Variants in PLCZ1 observed in about 807,000 individuals in gnomAD.
PLCZ1 encodes phospholipase C zeta 1.
A neutral mutation model predicts 76.8 loss-of-function variants in PLCZ1; 64 were observed. The ratio of observed to expected loss-of-function variants is 0.83; its 90% CI spans 0.68 to 1.03. The LOEUF is 1.03. PLCZ1 is among the 50% of genes least tolerant of loss of function. PLCZ1 has a pLI of 0.00. For missense variants in PLCZ1, 751 were observed against 713.7 expected (o/e 1.05, Z -0.60); for synonymous variants, 248 against 230.8 (o/e 1.07, Z -0.68).
chr12:18,689,331 G>A (rs377554753), intron 12 of PLCZ1, among the ~76,000 whole-genome samples: 10 of 152,242 alleles, frequency 6.6e-5, no homozygotes, highest in African/African-American at 2.4e-4. Context: ...AAAACTGAAT[G>A]AGAATTTAGG....
chr12:18,708,826 T>C (rs1180326962), intron 6 of PLCZ1, among the ~76,000 whole-genome samples: 3 of 152,202 alleles, frequency 2.0e-5, no homozygotes, highest in Admixed American at 1.3e-4. Context: ...GAGAAATGCC[T>C]ATTCAGGTTT....
intron 3 of PLCZ1, among the ~76,000 whole-genome samples, chr12:18,724,414 T>G (rs1208644986): frequency 6.6e-6 from 1 of 152,092 alleles, no homozygotes; most frequent in Non-Finnish European, 1.5e-5. Context: ...ATAAAAAAAC[T>G]GGGAAATAGG....
intron 7 of PLCZ1, among the ~76,000 whole-genome samples, chr12:18,704,365 G>A (rs1168904641): frequency 6.6e-6 from 1 of 151,850 alleles, no homozygotes; most frequent in Non-Finnish European, 1.5e-5. Context: ...TGTTCTTTTT[G>A]CCCAGGCTGG....
intron 3 of PLCZ1, among the ~76,000 whole-genome samples, chr12:18,732,921 TA>T (rs1959134288): frequency 1.3e-5 from 2 of 152,202 alleles, no homozygotes; most frequent in African/African-American, 4.8e-5. Context: ...AATGCTGCAA[TA>T]TATACAGGAG....
intron 6 of PLCZ1, among the ~76,000 whole-genome samples, chr12:18,707,762 C>A (rs1256360056): frequency 1.3e-5 from 2 of 152,104 alleles, no homozygotes; most frequent in African/African-American, 2.4e-5. Context: ...AAACTTTAAT[C>A]TTATCTATGC....
chr12:18,721,930 T>TTATTGTGGCC (rs1958465510), intron 4 of PLCZ1, among the ~76,000 whole-genome samples: 1 of 152,016 alleles, frequency 6.6e-6, no homozygotes, highest in African/African-American at 2.4e-5. Flanking sequence ...GCCAAAATCT[T>TTATTGTGGCC]TATTGTGGCC....
chr12:18,720,725 G>A (rs1312247177), intron 4 of PLCZ1, among the ~76,000 whole-genome samples: 1 of 151,896 alleles, frequency 6.6e-6, no homozygotes. Context: ...TTATTTCCAG[G>A]AATTTATCCT....
chr12:18,705,969 G>A (rs1169969712), intron 6 of PLCZ1, among the ~76,000 whole-genome samples: 1 of 151,868 alleles, frequency 6.6e-6, no homozygotes, highest in African/African-American at 2.4e-5. Context: ...GCTCACACCT[G>A]TAATCCCAGC....
At chr12:18,687,400 C>T (rs1953321161) in intron 13 of PLCZ1, among the ~76,000 whole-genome samples, 1 of 152,156 alleles carries the variant, frequency 6.6e-6, no homozygotes, top group Non-Finnish European at 1.5e-5. Context: ...ACTCAAGAAT[C>T]AGTTCCAATG....
At chr12:18,708,977 G>T (rs1028665218) in intron 6 of PLCZ1, among the ~76,000 whole-genome samples, 2 of 151,874 alleles carry the variant, frequency 1.3e-5, no homozygotes, top group African/African-American at 2.4e-5. Context: ...TGATTTTGTT[G>T]GTTGATTGTT....
chr12:18,698,542 C>T (rs1402057435), intron 10 of PLCZ1, among the ~76,000 whole-genome samples: 2 of 152,174 alleles, frequency 1.3e-5, no homozygotes, highest in Non-Finnish European at 2.9e-5. Context: ...TCAGAATCCG[C>T]ATTCCCAAAC....
the PLCZ1 span, among the ~76,000 whole-genome samples, chr12:18,673,506 G>C: frequency 6.6e-6 from 1 of 152,182 alleles, no homozygotes; most frequent in South Asian, 2.1e-4. Flanking sequence ...AACGAACAAG[G>C]CTAGAGAAGC....
intron 13 of PLCZ1, among the ~76,000 whole-genome samples, chr12:18,686,545 T>A (rs145629584): frequency 6.6e-6 from 1 of 151,972 alleles, no homozygotes; most frequent in Non-Finnish European, 1.5e-5. Context: ...AATTGTATTT[T>A]CTTCATATTT....
At chr12:18,737,740 T>C in intron 1 of PLCZ1, 192 bp downstream of exon 1, 1 of 394,974 alleles carries the variant, frequency 2.5e-6, no homozygotes, top group Non-Finnish European at 4.7e-6. Flanking sequence ...TCCTTTTATT[T>C]TTTACTACTT....
the PLCZ1 span, among the ~76,000 whole-genome samples, chr12:18,662,501 T>TA: frequency 4.0e-4 from 61 of 151,838 alleles, 1 homozygote; most frequent in African/African-American, 1.3e-3. Context: ...TTACACAGTT[T>TA]AAAAAAAAGG....
At chr12:18,737,828 A>G (rs928832727) in intron 1 of PLCZ1, 104 bp downstream of exon 1, 1 of 295,762 alleles carries the variant, frequency 3.4e-6, no homozygotes, top group South Asian at 4.5e-5. Flanking sequence ...CTGAGTATAA[A>G]TCAACACCAT....
At chr12:18,723,590 C>A in intron 3 of PLCZ1, 48 bp from the exon 4 acceptor site, 1 of 1,379,420 alleles carries the variant, frequency 7.2e-7, no homozygotes, top group African/African-American at 1.4e-5. Flanking sequence ...ATAAAAAATA[C>A]ATAAAATGAA....
the PLCZ1 span, among the ~76,000 whole-genome samples, chr12:18,668,945 A>G: frequency 0.11 from 17,168 of 152,072 alleles, 1,212 homozygotes; most frequent in African/African-American, 0.19. Context: ...TGCAAGAAAA[A>G]ATCGTGAATA....
At chr12:18,737,104 A>G (rs1959425673) in intron 2 of PLCZ1, among the ~76,000 whole-genome samples, 1 of 152,190 alleles carries the variant, frequency 6.6e-6, no homozygotes, top group African/African-American at 2.4e-5. Context: ...ACTAAGTTTC[A>G]GATTGTTAGA....
Sources: allele counts gnomAD v4.1 joint callset (sites outside exome capture counted in the v4.1 genomes callset), GRCh38; gene constraint gnomAD v4.1.1; transcripts MANE v1.5; gene names NCBI Gene and HGNC (gene_info 2026-07-23, HGNC 2026-07-21).